The following CELF4 variants were observed in gnomAD, a reference collection of about 807,000 sequenced individuals.
The protein encoded by CELF4 is CUGBP Elav-like family member 4.
CELF4 carries 18 observed loss-of-function variants against 59.9 expected under a neutral mutation model. The observed-to-expected ratio is 0.30, with a 90% CI of 0.21 to 0.45. CELF4 has a LOEUF of 0.45. Ranked by LOEUF, CELF4 falls within the 20% of genes least tolerant of loss-of-function variation. The probability of loss-of-function intolerance (pLI) is 1.00; values close to 1 mark genes in which losing one functional copy is unlikely to be tolerated. For synonymous variants in CELF4, 261 were observed against 267.1 expected (o/e 0.98, Z 0.22); for missense variants, 456 against 689.0 (o/e 0.66, Z 3.79).
chr18:37,343,510 C>A (rs933449999), intron 2 of CELF4, among the ~76,000 whole-genome samples: 2 of 152,048 alleles, frequency 1.3e-5, no homozygotes, highest in African/African-American at 4.8e-5. Flanking sequence ...GGGTTGCCGG[C>A]CAGGCTCGGC....
chr18:37,425,771 G>A (rs1352165316), intron 2 of CELF4, among the ~76,000 whole-genome samples: 2 of 152,262 alleles, frequency 1.3e-5, no homozygotes, highest in Admixed American at 6.5e-5. Flanking sequence ...GCTGCTTGGC[G>A]AAAGCCCTTG....
At chr18:37,465,591 T>C (rs2099805854) in intron 2 of CELF4, among the ~76,000 whole-genome samples, 1 of 152,156 alleles carries the variant, frequency 6.6e-6, no homozygotes, top group South Asian at 2.1e-4. Flanking sequence ...GGGGGTTGAC[T>C]GTGGGCCCAC....
intron 1 of CELF4, among the ~76,000 whole-genome samples, chr18:37,493,800 A>G (rs1404227569): frequency 2.0e-5 from 3 of 152,112 alleles, no homozygotes; most frequent in Non-Finnish European, 4.4e-5. Context: ...TTCTTCTTTC[A>G]GGCTCCGTAC....
intron 4 of CELF4, 86 bp from the exon 5 acceptor site, chr18:37,274,970 A>C: frequency 6.5e-7 from 1 of 1,548,096 alleles, no homozygotes; most frequent in Non-Finnish European, 8.8e-7. Context: ...AGGTGAACGC[A>C]GACGGGTGAG....
intron 10 of CELF4, among the ~76,000 whole-genome samples, chr18:37,262,381 C>G (rs2075203709): frequency 6.7e-6 from 1 of 148,304 alleles, no homozygotes; most frequent in Admixed American, 6.7e-5. Context: ...GACTAGGGAG[C>G]AAGGTGTGTG....
intron 2 of CELF4, among the ~76,000 whole-genome samples, chr18:37,333,381 CCT>C (rs1165806818): frequency 6.6e-6 from 1 of 151,548 alleles, no homozygotes; most frequent in African/African-American, 2.4e-5. Context: ...CCCTTCTTCC[CCT>C]CTTTCCCCTC....
At chr18:37,407,319 A>G (rs1183673454) in intron 2 of CELF4, among the ~76,000 whole-genome samples, 3 of 152,184 alleles carry the variant, frequency 2.0e-5, no homozygotes, top group African/African-American at 7.2e-5. Context: ...TCTTTTTAGA[A>G]TGAGGCAGGT....
intron 2 of CELF4, among the ~76,000 whole-genome samples, chr18:37,451,846 C>A (rs2154601697): frequency 6.6e-6 from 1 of 152,324 alleles, no homozygotes; most frequent in East Asian, 1.9e-4. Context: ...TCCAGTGGGG[C>A]CTGGAATGGA....
At chr18:37,396,960 G>A (rs2099252659) in intron 2 of CELF4, among the ~76,000 whole-genome samples, 1 of 152,212 alleles carries the variant, frequency 6.6e-6, no homozygotes, top group African/African-American at 2.4e-5. Context: ...TTCCGTCTCT[G>A]AGGGTGCAGG....
intron 2 of CELF4, among the ~76,000 whole-genome samples, chr18:37,356,649 C>T (rs540432589): frequency 2.0e-5 from 3 of 152,310 alleles, no homozygotes; most frequent in South Asian, 4.1e-4. Flanking sequence ...AACGAAGGGG[C>T]CCTCCTGGGC....
chr18:37,476,685 A>T (rs1470623899), intron 2 of CELF4, among the ~76,000 whole-genome samples: 1 of 152,196 alleles, frequency 6.6e-6, no homozygotes, highest in Non-Finnish European at 1.5e-5. Context: ...CCCAGCAGAA[A>T]CCCTCCAATC....
intron 6 of CELF4, chr18:37,274,011 G>A (rs1287782701): frequency 9.8e-6 from 12 of 1,228,574 alleles, no homozygotes; most frequent in Non-Finnish European, 1.2e-5. Flanking sequence ...GTTCAACGTT[G>A]ATCTGGCTGA....
intron 2 of CELF4, among the ~76,000 whole-genome samples, chr18:37,434,831 G>A (rs2099684706): frequency 6.6e-6 from 1 of 152,140 alleles, no homozygotes. Flanking sequence ...TTTGATTTGC[G>A]ATGTTGCTCC....
chr18:37,563,904 C>T (rs1392289672), intron 1 of CELF4, among the ~76,000 whole-genome samples: 1 of 152,134 alleles, frequency 6.6e-6, no homozygotes, highest in Non-Finnish European at 1.5e-5. Flanking sequence ...AGTATTCGAA[C>T]GAAGGGAGGG....
rs1024021520 is a variant in CELF4, at chr18:37,299,945, C to T, written c.448+21858G>A. The stretch of plus-strand genomic sequence containing the variant: ...TCCCAGGGCCTGGAGTGCAGAGCCA[C>T]AACCCCCACCATCTAGACCCTCCAG... On this transcript the variant is annotated intron_variant, in intron 3 of 12. Transcript: ENST00000420428. 3.9e-5 allele frequency among the ~76,000 whole-genome samples: 6 copies of T among 152,272 alleles called. No homozygotes were observed. The East Asian group carries it at 1.2e-3, about 30-fold the overall frequency.
chr18:37,468,223 G>C (rs2099813430), intron 2 of CELF4, among the ~76,000 whole-genome samples: 1 of 152,232 alleles, frequency 6.6e-6, no homozygotes, highest in Non-Finnish European at 1.5e-5. Flanking sequence ...GTCTTTGGTT[G>C]CTTGGCCTGA....
intron 2 of CELF4, among the ~76,000 whole-genome samples, chr18:37,377,443 G>A (rs1408343793): frequency 1.3e-5 from 2 of 152,214 alleles, no homozygotes; most frequent in African/African-American, 2.4e-5. Context: ...AGACCAGTCT[G>A]TGGGACCCAG....
chr18:37,262,582 C>T (rs1185217755), intron 10 of CELF4, among the ~76,000 whole-genome samples: 7 of 152,132 alleles, frequency 4.6e-5, no homozygotes, highest in Non-Finnish European at 1.0e-4. Context: ...GTGCCATTGA[C>T]CTACGGCTGT....
chr18:37,448,425 G>A (rs2099754090), intron 2 of CELF4, among the ~76,000 whole-genome samples: 1 of 152,220 alleles, frequency 6.6e-6, no homozygotes. Context: ...CCCACTGACA[G>A]CTGAGCCCCC....
Sources: gnomAD v4.1 joint callset for allele counts (sites outside exome capture counted in the v4.1 genomes callset) on GRCh38, gnomAD v4.1.1 for gene constraint, MANE v1.5 for transcripts, NCBI Gene and HGNC (gene_info 2026-07-23, HGNC 2026-07-21) for gene names.